The following NIBAN2 variants were observed in gnomAD, a reference collection of about 807,000 sequenced individuals.
The protein encoded by NIBAN2 is protein Niban 2.
A neutral mutation model predicts 81.8 loss-of-function variants in NIBAN2; 36 were observed. The observed-to-expected ratio is 0.44, with a 90% CI of 0.34 to 0.58. The LOEUF is 0.58. Ranked by LOEUF, NIBAN2 falls within the 20% of genes least tolerant of loss-of-function variation. The pLI is 0.02. For synonymous variants in NIBAN2, 445 were observed against 441.6 expected, an observed-to-expected ratio of 1.01 and a Z score of -0.10; for missense variants, 897 against 1,014.1, an observed-to-expected ratio of 0.88 and a Z score of 1.57.
At chr9:127,560,767 C>T (rs1038288337) in intron 1 of NIBAN2, among the ~76,000 whole-genome samples, 4 of 152,192 alleles carry the variant, frequency 2.6e-5, no homozygotes, top group African/African-American at 9.7e-5. Flanking sequence ...ATAAGGACTA[C>T]GTGTGTTGGG....
intron 1 of NIBAN2, among the ~76,000 whole-genome samples, chr9:127,537,259 G>A (rs1024563734): frequency 8.5e-5 from 13 of 152,170 alleles, no homozygotes; most frequent in African/African-American, 2.2e-4. Context: ...GGGCCTCTCC[G>A]AAGCTGTTCC....
upstream of NIBAN2, among the ~76,000 whole-genome samples, chr9:127,571,977 G>A (rs1386432350): frequency 6.6e-6 from 1 of 152,158 alleles, no homozygotes; most frequent in African/African-American, 2.4e-5. Context: ...TTATCAAACT[G>A]TACAGATGCA....
chr9:127,542,649 C>T (rs933556954), intron 1 of NIBAN2, among the ~76,000 whole-genome samples: 4 of 152,272 alleles, frequency 2.6e-5, no homozygotes, highest in South Asian at 4.1e-4. Flanking sequence ...TGGCTGCCAC[C>T]GACATTTCCC....
At chr9:127,525,257 G>T in intron 3 of NIBAN2, 94 bp from the exon 4 acceptor site, 1 of 831,046 alleles carries the variant, frequency 1.2e-6, no homozygotes, top group Non-Finnish European at 2.0e-6. Context: ...GTGGCCCAAA[G>T]TGGGGAGGAG....
At chr9:127,572,516 G>GA (rs1837960538), upstream of NIBAN2, among the ~76,000 whole-genome samples, 1 of 152,130 alleles carries the variant, frequency 6.6e-6, no homozygotes, top group African/African-American at 2.4e-5. Flanking sequence ...GTTGGGGTGG[G>GA]ATGCCATCTA....
chr9:127,554,542 CTTTTTCTT>C (rs1160710807), intron 1 of NIBAN2, among the ~76,000 whole-genome samples: 3 of 108,104 alleles, frequency 2.8e-5, no homozygotes, highest in African/African-American at 3.8e-5. Flanking sequence ...TTTTCTTTTT[CTTTTTCTT>C]TTTTTTTTTT....
Position 127,507,923 on chromosome 9 carries a change from A to G in NIBAN2, c.1598T>C (p.Val533Ala). The G allele has an allele frequency of 6.2e-7, 1 of 1,614,070 alleles. No individual in the cohort carries two copies. The highest frequency in any genetic ancestry group is 8.5e-7 in the Non-Finnish European group (1 of 1,180,006). Residue 533 changes from valine (V) to alanine (A), a missense_variant, in exon 13 of 14, where the codon GTG (valine) becomes GCG (alanine). Around this residue, in one of 3 missense-constraint regions of NIBAN2, gnomAD observed 619 missense variants for 691.0 expected, o/e 0.90. Coordinates refer to ENST00000373312, the MANE Select transcript of NIBAN2 (RefSeq NM_022833.4). This position sits in a 1 kb window ranked among gnomAD's most constrained non-coding sequence, Gnocchi z 6.8. ...CACCACCTCCTCGTACGTGTTTTCC[A>G]CCAGGATGAACCTGGCAAAGTCCTC... ...IFEDFARFIL[V>A]ENTYEEVVLQ...
chr9:127,527,084 G>C, intron 3 of NIBAN2, 110 bp downstream of exon 3: 2 of 1,375,768 alleles, frequency 1.5e-6, no homozygotes, highest in Non-Finnish European at 2.0e-6. Flanking sequence ...CCTGGTGACC[G>C]CGTGCAGGCT....
At chr9:127,575,095 A>C (rs1404670240) in intron 1 of NIBAN2, among the ~76,000 whole-genome samples, 2 of 150,764 alleles carry the variant, frequency 1.3e-5, no homozygotes, top group Non-Finnish European at 3.0e-5. Flanking sequence ...GGAGAGAAAG[A>C]CTCCAGACAT....
In NIBAN2 at chr9:127,507,935, C is replaced by A. The variant is rs1312435928; in HGVS notation, c.1586G>T (p.Arg529Met). The change falls in exon 13 of 14, where the codon AGG becomes ATG. Residue 529 changes from arginine to methionine, a missense_variant. This residue lies in a region of NIBAN2 where 619 missense variants were observed against 691.0 expected (regional missense o/e 0.90). Coordinates refer to ENST00000373312, the MANE Select transcript of NIBAN2 (RefSeq NM_022833.4). The surrounding 1 kb of genome is among the most constrained non-coding windows in gnomAD (Gnocchi z 6.8). ...FQELIFEDFA[R>M]FILVENTYEE... ...GTACGTGTTTTCCACCAGGATGAACCTGGCAAAGTCCTCGAAGATCAGCTC... is the reference window on the plus strand; with the variant it reads ...GTACGTGTTTTCCACCAGGATGAACATGGCAAAGTCCTCGAAGATCAGCTC... 3.1e-6 allele frequency: 5 copies of A among 1,614,202 alleles called. No homozygotes were observed. The Admixed American group carries it at 8.3e-5, about 27-fold the overall frequency.
In NIBAN2 at chr9:127,517,349, TG is replaced by T; in HGVS notation, c.706-134del. On this transcript the variant is annotated intron_variant, in intron 6 of 13. Coordinates refer to ENST00000373312, the MANE Select transcript of NIBAN2 (RefSeq NM_022833.4). The surrounding 1 kb of genome is among the most constrained non-coding windows in gnomAD (Gnocchi z 4.0). Reference sequence around the variant, plus strand: ...GACTGGCCCATTGCTTCACCCTCCCTGCTGCCCTCTCTCCTGAGCTCCATTC... The same window carrying T: ...GACTGGCCCATTGCTTCACCCTCCCTCTGCCCTCTCTCCTGAGCTCCATTC... 1.4e-6 allele frequency: 1 copy of T among 699,010 alleles called. No homozygotes were observed. The allele number at this position is 699,010 out of a possible 1,614,324, so 43.3% of individuals were successfully genotyped here. A position where few individuals can be genotyped will look rare whatever the true frequency, so the allele number is the denominator to read the frequency against.
chr9:127,522,791 C>T (rs914485159), intron 5 of NIBAN2, among the ~76,000 whole-genome samples: 2 of 152,026 alleles, frequency 1.3e-5, no homozygotes, highest in Admixed American at 1.3e-4. Flanking sequence ...TCCTTCAGGT[C>T]TCTGCTGAAG....
At chr9:127,561,337 G>T in intron 1 of NIBAN2, 2 of 973,700 alleles carry the variant, frequency 2.1e-6, no homozygotes, top group Non-Finnish European at 2.4e-6. Flanking sequence ...GGATGCACGA[G>T]GCCACAGACA....
At chr9:127,522,609 T>C (rs886651868) in intron 5 of NIBAN2, among the ~76,000 whole-genome samples, 4 of 151,828 alleles carry the variant, frequency 2.6e-5, no homozygotes, top group African/African-American at 9.7e-5. Flanking sequence ...GGTCACCCCC[T>C]CCCTGCTTCA....
chr9:127,531,535 G>A (rs2132188956), intron 2 of NIBAN2, 113 bp downstream of exon 2: 3 of 978,926 alleles, frequency 3.1e-6, no homozygotes, highest in Non-Finnish European at 4.5e-6. Context: ...GAGACCCTTA[G>A]AGGCCATCAC....
intron 1 of NIBAN2, among the ~76,000 whole-genome samples, chr9:127,533,194 G>T (rs1038539150): frequency 3.3e-5 from 5 of 151,682 alleles, no homozygotes; most frequent in African/African-American, 1.2e-4. Context: ...CGGTGGCTTA[G>T]GCCTGTAATC....
chr9:127,561,608 C>T (rs1003325080), intron 1 of NIBAN2, among the ~76,000 whole-genome samples: 2 of 152,352 alleles, frequency 1.3e-5, no homozygotes, highest in Non-Finnish European at 2.9e-5. Flanking sequence ...CAAAGCCTTA[C>T]CCCAAAACCT....
At position 127,545,879 on chromosome 9, in the gene NIBAN2, C is replaced by A. The variant is rs79134592; in HGVS notation, c.56-14101G>T. Among the ~76,000 whole-genome samples, 812 of 152,348 alleles carry A rather than the reference C, an allele frequency of 5.3e-3. 4 individuals carry two copies. The highest frequency in any genetic ancestry group is 0.018 in the African/African-American group (762 of 41,584). On this transcript the variant is annotated intron_variant, in intron 1 of 13. Transcript: ENST00000373312. This position sits in a 1 kb window ranked among gnomAD's most constrained non-coding sequence, Gnocchi z 4.7. ...AAGCCCTCTCATCCCCTCCTGCCCCCCACCCCGCCTGCCTGGCAGCGGCCC... is the reference window on the plus strand; with the variant it reads ...AAGCCCTCTCATCCCCTCCTGCCCCACACCCCGCCTGCCTGGCAGCGGCCC...
Position 127,508,349 on chromosome 9 carries a change from G to C in NIBAN2, c.1434+73C>G. ...CCTCCTTGCAGGGACAGCAATCCTG[G>C]TGGTGGCCGGGGATGAGGCTCGGGG... On this transcript the variant is annotated intron_variant, in intron 11 of 13. Coordinates refer to ENST00000373312, the MANE Select transcript of NIBAN2 (RefSeq NM_022833.4). This position sits in a 1 kb window ranked among gnomAD's most constrained non-coding sequence, Gnocchi z 6.4. The C allele has an allele frequency of 7.1e-7, 1 of 1,411,470 alleles. No individual in the cohort carries two copies. Among genetic ancestry groups the C allele is most frequent in the Non-Finnish European group, 9.9e-7 (1 of 1,006,502 alleles). The allele number at this position is 1,411,470 out of a possible 1,614,324, so 87.4% of individuals were successfully genotyped here. A position where few individuals can be genotyped will look rare whatever the true frequency, so the allele number is the denominator to read the frequency against.
Sources: gnomAD v4.1 joint callset for allele counts (sites outside exome capture counted in the v4.1 genomes callset) on GRCh38, gnomAD v4.1.1 for gene constraint, gnomAD v4.1.1 regional missense constraint, Gnocchi (gnomAD v3.1) non-coding constraint, MANE v1.5 for transcripts, NCBI Gene and HGNC (gene_info 2026-07-23, HGNC 2026-07-21) for gene names.